The following HPSE2 variants were observed in gnomAD, a reference collection of about 807,000 sequenced individuals.
HPSE2 encodes inactive heparanase-2.
In HPSE2, 38 loss-of-function variants were observed where a neutral mutation model predicts 60.5. The observed-to-expected ratio is 0.63, with a 90% CI of 0.48 to 0.82. The LOEUF (loss-of-function observed/expected upper bound fraction) is 0.82. HPSE2 is among the 40% of genes least tolerant of loss of function. The pLI, the probability that HPSE2 is intolerant of heterozygous loss-of-function variation, is 0.00. For synonymous variants in HPSE2, 295 were observed against 293.2 expected (o/e 1.01, Z -0.06); for missense variants, 713 against 740.4 (o/e 0.96, Z 0.43).
At chr10:99,288,522 T>A in the HPSE2 span, among the ~76,000 whole-genome samples, 825 of 152,050 alleles carry the variant, frequency 5.4e-3, 5 homozygotes, top group Non-Finnish European at 8.7e-3. Flanking sequence ...ATAAGACATA[T>A]AACTGATGAA....
At chr10:99,103,072 T>C (rs528462645) in intron 3 of HPSE2, among the ~76,000 whole-genome samples, 94 of 152,232 alleles carry the variant, frequency 6.2e-4, no homozygotes, top group Non-Finnish European at 1.0e-3. Flanking sequence ...AAAACCGGCA[T>C]AAGACAGGGA....
intron 3 of HPSE2, among the ~76,000 whole-genome samples, chr10:99,059,796 G>T (rs1051924951): frequency 1.3e-5 from 2 of 152,206 alleles, no homozygotes; most frequent in Middle Eastern, 3.4e-3. Context: ...CATAGATAAA[G>T]ATACCAGGAC....
chr10:98,663,267 A>T (rs528582528), intron 6 of HPSE2, among the ~76,000 whole-genome samples: 71 of 152,332 alleles, frequency 4.7e-4, no homozygotes, highest in African/African-American at 1.6e-3. Flanking sequence ...TGAATAAGAG[A>T]CATGGAACTT....
At chr10:98,459,814 A>G (rs1940206766) in intron 11 of HPSE2, 75 bp from the exon 12 acceptor site, 1 of 1,416,874 alleles carries the variant, frequency 7.1e-7, no homozygotes, top group Non-Finnish European at 9.8e-7. Flanking sequence ...CTAGCCCCAG[A>G]TGGCCTGGCA....
At chr10:98,980,871 A>G (rs1323818917) in intron 3 of HPSE2, among the ~76,000 whole-genome samples, 3 of 152,158 alleles carry the variant, frequency 2.0e-5, no homozygotes, top group Non-Finnish European at 4.4e-5. Flanking sequence ...TGTCGGAGCT[A>G]TGTATTTTGG....
At chr10:98,875,197 T>C (rs866774335) in intron 3 of HPSE2, among the ~76,000 whole-genome samples, 17 of 152,092 alleles carry the variant, frequency 1.1e-4, no homozygotes, top group Non-Finnish European at 2.2e-4. Context: ...CTGAAGGAGA[T>C]AGAGATCCAA....
rs116934702 is a variant in HPSE2 at position 98,606,376 on chromosome 10, A to T, written c.1320+8528T>A. Reference sequence around the variant, plus strand: ...ACTTGGACTTTAAAAAAATATCAACACCTGGGATCCTCTACGGATCAACTT... The same window carrying T: ...ACTTGGACTTTAAAAAAATATCAACTCCTGGGATCCTCTACGGATCAACTT... On this transcript the variant is annotated intron_variant, in intron 9 of 11. Transcript: ENST00000370552. 6.3e-3 allele frequency among the ~76,000 whole-genome samples: 966 copies of T among 152,320 alleles called. 5 individuals carry two copies. Among genetic ancestry groups the T allele is most frequent in the Non-Finnish European group, 0.01 (694 of 68,026 alleles).
intron 2 of HPSE2, among the ~76,000 whole-genome samples, chr10:99,171,961 G>A (rs1847328411): frequency 6.6e-6 from 1 of 152,096 alleles, no homozygotes; most frequent in Non-Finnish European, 1.5e-5. Context: ...GCTGCTAAAT[G>A]CCACATCAAC....
intron 3 of HPSE2, chr10:99,048,313 C>T (rs1217356271): frequency 7.2e-6 from 3 of 416,002 alleles, no homozygotes; most frequent in Non-Finnish European, 8.9e-6. Flanking sequence ...AAAAGACCAC[C>T]CATTTTATTT....
intron 3 of HPSE2, among the ~76,000 whole-genome samples, chr10:98,747,058 G>A (rs1362152535): frequency 6.6e-6 from 1 of 151,726 alleles, no homozygotes; most frequent in Non-Finnish European, 1.5e-5. Context: ...TGAGATTTGA[G>A]AATTATTATT....
chr10:98,490,183 G>A lies in HPSE2; in HGVS notation c.1334C>T (p.Ser445Phe). The A allele has an allele frequency of 6.2e-7, 1 of 1,614,152 alleles. No homozygotes were observed. The highest frequency in any genetic ancestry group is 8.5e-7 in the Non-Finnish European group (1 of 1,180,030). ...GCCGATCAGGCGCTTGTAGAGGAGA[G>A]AGAGCCAGTAGTCCTGAGGAGAATA... ...NFNPLPDYWLSLLYKRLIGPK... is the reference protein window; with the variant it reads ...NFNPLPDYWLFLLYKRLIGPK... Residue 445 changes from serine to phenylalanine, a missense_variant, in exon 10 of 12, where the codon TCT (serine) becomes TTT (phenylalanine). Transcript: ENST00000370552.
chr10:99,087,711 A>G (rs1217304951), intron 3 of HPSE2, among the ~76,000 whole-genome samples: 1 of 152,158 alleles, frequency 6.6e-6, no homozygotes, highest in Non-Finnish European at 1.5e-5. Flanking sequence ...ACTAGCCCAC[A>G]GCAAAATTTT....
chr10:98,800,792 A>C (rs902756301), intron 3 of HPSE2, among the ~76,000 whole-genome samples: 1 of 152,168 alleles, frequency 6.6e-6, no homozygotes, highest in Non-Finnish European at 1.5e-5. Flanking sequence ...ATTTTACCAT[A>C]CATTTAAAGA....
chr10:98,636,246 T>G (rs28520387), intron 7 of HPSE2, among the ~76,000 whole-genome samples: 70 of 138,394 alleles, frequency 5.1e-4, no homozygotes, highest in South Asian at 1.4e-3. Context: ...TTTTTTTTTT[T>G]GTTTTTTTTT....
chr10:99,041,353 T>G (rs911618195), intron 3 of HPSE2, among the ~76,000 whole-genome samples: 8 of 151,978 alleles, frequency 5.3e-5, no homozygotes, highest in African/African-American at 1.7e-4. Context: ...CACCCAGGAT[T>G]GTCAGCAGAA....
chr10:98,694,665 A>G (rs1022276240), intron 5 of HPSE2, among the ~76,000 whole-genome samples: 1 of 152,170 alleles, frequency 6.6e-6, no homozygotes, highest in African/African-American at 2.4e-5. Context: ...AGGAAAATCA[A>G]TAGGCCAAGA....
intron 11 of HPSE2, among the ~76,000 whole-genome samples, chr10:98,478,522 A>G (rs2133632558): frequency 6.6e-6 from 1 of 152,338 alleles, no homozygotes; most frequent in Admixed American, 6.5e-5. Flanking sequence ...TCACACTCTG[A>G]TTAATAGGCT....
intron 3 of HPSE2, among the ~76,000 whole-genome samples, chr10:98,997,372 T>G (rs1326426855): frequency 6.6e-6 from 1 of 152,028 alleles, no homozygotes; most frequent in Non-Finnish European, 1.5e-5. Context: ...CACCTCAGAC[T>G]CCCAAACTGC....
chr10:98,614,753 C>T, intron 9 of HPSE2, 151 bp downstream of exon 9: 1 of 687,430 alleles, frequency 1.5e-6, no homozygotes, highest in East Asian at 2.7e-5. Flanking sequence ...TAAAACGGAT[C>T]AAGGGAACAA....
Sources: allele counts gnomAD v4.1 joint callset (sites outside exome capture counted in the v4.1 genomes callset), GRCh38; gene constraint gnomAD v4.1.1; transcripts MANE v1.5; gene names NCBI Gene and HGNC (gene_info 2026-07-23, HGNC 2026-07-21).